PRPF8: variants seen among roughly 807,000 people sequenced by gnomAD.
PRPF8 encodes the protein pre-mRNA processing factor 8, also known as pre-mRNA-processing-splicing factor 8.
A neutral mutation model predicts 285.9 loss-of-function variants in PRPF8; 64 were observed. The ratio of observed to expected loss-of-function variants is 0.22; its 90% confidence interval spans 0.18 to 0.28. The LOEUF is 0.28. Among genes scored for constraint, PRPF8 ranks in the 10% least tolerant of loss-of-function variants. The pLI is 1.00. For missense variants in PRPF8, 1,426 were observed against 3,026.7 expected (o/e 0.47, Z 12.41); for synonymous variants, 1,325 against 1,118.2 (o/e 1.18, Z -3.69).
In PRPF8 at chr17:1,675,002, T is replaced by C. The variant is rs1358896981; in HGVS notation, c.3060+150A>G. ...GTTGGCCAGACTGGTCTCGAACTCCTGACCTCGTGATCTGCCCGCCTCAGC... is the reference window on the plus strand; with the variant it reads ...GTTGGCCAGACTGGTCTCGAACTCCCGACCTCGTGATCTGCCCGCCTCAGC... On this transcript the variant is annotated intron_variant, in intron 20 of 42. Coordinates refer to ENST00000304992, the MANE Select transcript of PRPF8 (RefSeq NM_006445.4). The surrounding 1 kb of genome is among the most constrained non-coding windows in gnomAD (Gnocchi z 6.0). 1 of 918,422 alleles carries C rather than the reference T, an allele frequency of 1.1e-6. No individual in the cohort carries two copies. 56.9% of individuals were successfully genotyped at this position (918,422 alleles called of 1,614,324 possible).
rs751950375 is a variant in PRPF8 at position 1,653,491 on chromosome 17, C to T, written c.6369+51G>A. ...GACAATCTCAGGTCTGAGTTTTAGG[C>T]ACAAAATGAGTTGGGCACACACTGT... On this transcript the variant is annotated intron_variant, in intron 39 of 42. Transcript: ENST00000304992. This position sits in a 1 kb window ranked among gnomAD's most constrained non-coding sequence, Gnocchi z 4.9. 5.0e-6 allele frequency: 8 copies of T among 1,612,454 alleles called. No individual in the cohort carries two copies. The highest frequency in any genetic ancestry group is 5.9e-6 in the Non-Finnish European group (7 of 1,178,482).
chr17:1,664,205 A>AT (rs912008506), intron 24 of PRPF8, among the ~76,000 whole-genome samples: 10 of 151,762 alleles, frequency 6.6e-5, no homozygotes, highest in African/African-American at 4.8e-5. Flanking sequence ...TAATTTTTGT[A>AT]TTTTTTTTGT....
intron 3 of PRPF8, 112 bp downstream of exon 3, chr17:1,683,421 T>C: frequency 8.0e-7 from 1 of 1,251,014 alleles, no homozygotes; most frequent in Non-Finnish European, 1.2e-6. Flanking sequence ...GGTTTTCTCC[T>C]TTCTCTTATA....
Position 1,679,209 on chromosome 17 carries a change from G to A in PRPF8, c.1410-3C>T. The A allele has an allele frequency of 6.2e-7, 1 of 1,614,220 alleles. No homozygotes were observed. ...CTTTGAAGGAGCGGAACAAATACCT[G>A]AGGTGGGAACATGGAGAGTAAGAGT... is the stretch of plus-strand genomic sequence containing the variant. On this transcript the variant is annotated splice_region_variant and splice_polypyrimidine_tract_variant and intron_variant, in intron 10 of 42. Coordinates refer to ENST00000304992, the MANE Select transcript of PRPF8 (RefSeq NM_006445.4). The surrounding 1 kb of genome is among the most constrained non-coding windows in gnomAD (Gnocchi z 4.7).
In PRPF8 at chr17:1,674,430, G is replaced by C; in HGVS notation, c.3299+12C>G. The C allele has an allele frequency of 6.2e-7, 1 of 1,612,926 alleles. No homozygotes were observed. The highest frequency in any genetic ancestry group is 8.5e-7 in the Non-Finnish European group (1 of 1,178,942). Reference sequence around the variant, plus strand: ...GTACCCTGCAAGGCTAGGAATCCAGGAAAGCCCTCACCTGAAAAAAATATG... The same window carrying C: ...GTACCCTGCAAGGCTAGGAATCCAGCAAAGCCCTCACCTGAAAAAAATATG... On this transcript the variant is annotated intron_variant, in intron 21 of 42. Transcript: ENST00000304992.
chr17:1,672,260 C>A (rs77408475), intron 24 of PRPF8, among the ~76,000 whole-genome samples: 1 of 152,026 alleles, frequency 6.6e-6, no homozygotes, highest in Non-Finnish European at 1.5e-5. Context: ...TAATGGAAAC[C>A]AGAGTAAGGT....
At position 1,683,637 on chromosome 17, in the gene PRPF8, A is replaced by C. The variant is rs1268107224; in HGVS notation, c.165T>G (p.Asp55Glu). 6.2e-7 allele frequency: 1 copy of C among 1,614,112 alleles called. No individual in the cohort carries two copies. Among genetic ancestry groups the C allele is most frequent in the Non-Finnish European group, 8.5e-7 (1 of 1,180,034 alleles). ...YAEKRKFGFV[D>E]AQKEDMPPEH... is the part of the protein sequence containing the mutation. ...CTGGGGGCATGTCTTCCTTCTGGGC[A>C]TCCACAAACCCAAACTTCCGCTTTT... Residue 55 changes from aspartate (D) to glutamate (E), a missense_variant, in exon 3 of 43, where the codon GAT becomes GAG. By Grantham distance (45) the Asp-to-Glu change is conservative (BLOSUM62 2). Around this residue, in one of 34 missense-constraint regions of PRPF8, gnomAD observed 72 missense variants for 80.0 expected, o/e 0.90. Coordinates refer to ENST00000304992, the MANE Select transcript of PRPF8 (RefSeq NM_006445.4).
chr17:1,666,868 C>G (rs1912018391), intron 24 of PRPF8, among the ~76,000 whole-genome samples: 1 of 151,930 alleles, frequency 6.6e-6, no homozygotes, highest in Non-Finnish European at 1.5e-5. Flanking sequence ...ATGAGACAAC[C>G]AGGCAGATCT....
Position 1,675,528 on chromosome 17 carries a change from G to C in PRPF8, c.2872+92C>G. 3 of 1,546,398 alleles carry C rather than the reference G, an allele frequency of 1.9e-6. No homozygotes were observed. The highest frequency in any genetic ancestry group is 3.8e-4 in the Middle Eastern group (2 of 5,276). On this transcript the variant is annotated intron_variant, in intron 19 of 42. Coordinates refer to ENST00000304992, the MANE Select transcript of PRPF8 (RefSeq NM_006445.4). The surrounding 1 kb of genome is among the most constrained non-coding windows in gnomAD (Gnocchi z 6.0). ...TTCCCTTTACTACCACGCATCAAGA[G>C]AGTAAACCAATCATGCTACCCAGAT...
chr17:1,664,099 C>T (rs1911823139), intron 24 of PRPF8, among the ~76,000 whole-genome samples: 1 of 152,120 alleles, frequency 6.6e-6, no homozygotes, highest in Non-Finnish European at 1.5e-5. Context: ...GGCACCATCT[C>T]CACTCATTGC....
intron 24 of PRPF8, among the ~76,000 whole-genome samples, chr17:1,669,113 T>C (rs1195802873): frequency 6.6e-6 from 1 of 152,112 alleles, no homozygotes; most frequent in Non-Finnish European, 1.5e-5. Flanking sequence ...ATTACCTACT[T>C]TTCTTTTCTT....
At position 1,658,482 on chromosome 17, in the gene PRPF8, C is replaced by A; in HGVS notation, c.5376+44G>T. ...CACTTAGCCCATTACTCTCCCACAG[C>A]CATGTACAGAGTCCCGCACCTATAC... On this transcript the variant is annotated intron_variant, in intron 33 of 42. Transcript: ENST00000304992. The surrounding 1 kb of genome is among the most constrained non-coding windows in gnomAD (Gnocchi z 4.1). 1.2e-6 allele frequency: 2 copies of A among 1,612,822 alleles called. No homozygotes were observed. Among genetic ancestry groups the A allele is most frequent in the South Asian group, 2.2e-5 (2 of 91,032 alleles).
chr17:1,672,170 C>T (rs1310843491), intron 24 of PRPF8, among the ~76,000 whole-genome samples: 1 of 152,144 alleles, frequency 6.6e-6, no homozygotes, highest in African/African-American at 2.4e-5. Context: ...AAACAGAAAA[C>T]ATTCTGCGCA....
chr17:1,663,495 T>C (rs1180059322), intron 24 of PRPF8, among the ~76,000 whole-genome samples: 1 of 148,736 alleles, frequency 6.7e-6, no homozygotes, highest in Non-Finnish European at 1.5e-5. Context: ...GGCCTCGGGG[T>C]CAGGAGTTCG....
intron 21 of PRPF8, 76 bp downstream of exon 21, chr17:1,674,366 G>A (rs1001756840): frequency 5.5e-6 from 8 of 1,448,686 alleles, no homozygotes; most frequent in East Asian, 4.5e-5. Context: ...AGTCAACTCA[G>A]GTACAATAGC....
Position 1,673,757 on chromosome 17 carries a change from A to G in PRPF8, c.3435T>C (p.His1145=), listed in dbSNP as rs914691135. 13 of 1,613,530 alleles carry G rather than the reference A, an allele frequency of 8.1e-6. No individual in the cohort carries two copies. Among genetic ancestry groups the G allele is most frequent in the South Asian group, 3.3e-5 (3 of 91,036 alleles). Residue 1145 remains histidine, a synonymous_variant, in exon 22 of 43, where the codon CAT becomes CAC. Coordinates refer to ENST00000304992, the MANE Select transcript of PRPF8 (RefSeq NM_006445.4). The surrounding 1 kb of genome is among the most constrained non-coding windows in gnomAD (Gnocchi z 5.5). ...PRDARMRLMK[H]DVNLGRAVFW... is the part of the protein sequence containing the mutation. Reference sequence around the variant, plus strand: ...CAACCTAGACTCACAAGTTAACATCATGTTTCATGAGGCGCATGCGGGCAT... The same window carrying G: ...CAACCTAGACTCACAAGTTAACATCGTGTTTCATGAGGCGCATGCGGGCAT...
chr17:1,680,314 T>G (rs904693502), intron 8 of PRPF8, among the ~76,000 whole-genome samples: 1 of 152,200 alleles, frequency 6.6e-6, no homozygotes, highest in Non-Finnish European at 1.5e-5. Context: ...GGTTTCTTTC[T>G]CAAGTAATAA....
At chr17:1,666,289 C>T (rs1911980834) in intron 24 of PRPF8, among the ~76,000 whole-genome samples, 1 of 152,068 alleles carries the variant, frequency 6.6e-6, no homozygotes, top group South Asian at 2.1e-4. Context: ...GTGGCTCACA[C>T]CTACAATCCC....
intron 3 of PRPF8, chr17:1,683,310 T>C (rs978795456): frequency 6.4e-6 from 4 of 621,940 alleles, no homozygotes; most frequent in Non-Finnish European, 8.5e-6. Flanking sequence ...CATCTTATAA[T>C]ATCATCAACA....
Sources: allele counts gnomAD v4.1 joint callset (sites outside exome capture counted in the v4.1 genomes callset), GRCh38; gene constraint gnomAD v4.1.1; regional missense constraint gnomAD v4.1.1; non-coding constraint Gnocchi (gnomAD v3.1); transcripts MANE v1.5; gene names NCBI Gene and HGNC (gene_info 2026-07-23, HGNC 2026-07-21).